Variants in PVALEF observed in about 807,000 individuals in gnomAD.
PVALEF encodes parvalbumin-like EF-hand-containing protein.
In PVALEF, 2 loss-of-function variants were observed where a neutral mutation model predicts 1.2. That is an observed-to-expected ratio of 1.68 (90% confidence interval 0.69 to 5.28). PVALEF has a LOEUF of 5.28. PVALEF is among the 30% of genes most tolerant of loss of function. The probability of loss-of-function intolerance (pLI) is 0.06; values close to 1 mark genes in which losing one functional copy is unlikely to be tolerated. For missense variants in PVALEF, 35 were observed against 17.7 expected (o/e 1.97, Z -1.75); for synonymous variants, 16 against 6.5 (o/e 2.47, Z -2.24).
At chr17:81,179,319 GCCCT>G (rs1359233390) in intron 3 of PVALEF, among the ~76,000 whole-genome samples, 167 bp downstream of exon 3, 14 of 152,312 alleles carry the variant, frequency 9.2e-5, no homozygotes, top group Non-Finnish European at 2.9e-5. Flanking sequence ...AGAAGGAATG[GCCCT>G]CCCTGCCAGC....
intron 2 of PVALEF, among the ~76,000 whole-genome samples, chr17:81,170,175 AG>A (rs1415143507): frequency 1.4e-5 from 2 of 144,532 alleles, no homozygotes; most frequent in Non-Finnish European, 1.5e-5. Context: ...GTGCATGTGT[AG>A]GTGTGTGTGC....
At position 81,166,827 on chromosome 17, in the gene PVALEF, T is replaced by G. The variant is rs1439419063; in HGVS notation, c.-357T>G. Reference sequence around the variant, plus strand: ...GGAAGAACCTGGCTGAGTCTCCACCTGCCGTGGACTGTACCAGGTGCTTAG... The same window carrying G: ...GGAAGAACCTGGCTGAGTCTCCACCGGCCGTGGACTGTACCAGGTGCTTAG... On this transcript the variant is annotated 5_prime_UTR_variant, in exon 2 of 7. Transcript: ENST00000637878. The G allele has an allele frequency of 2.2e-6, 1 of 450,464 alleles. No homozygotes were observed. The highest frequency in any genetic ancestry group is 7.1e-5 in the East Asian group (1 of 14,132). The allele number at this position is 450,464 out of a possible 1,614,324, so 27.9% of individuals were successfully genotyped here. A position where few individuals can be genotyped will look rare whatever the true frequency, so the allele number is the denominator to read the frequency against.
intron 2 of PVALEF, among the ~76,000 whole-genome samples, chr17:81,169,377 A>C (rs1372002612): frequency 6.7e-6 from 1 of 148,942 alleles, no homozygotes; most frequent in African/African-American, 2.5e-5. Context: ...AGGGGGGCGG[A>C]CCGCGAGGTC....
At chr17:81,182,920 G>A (rs1259692408) in intron 6 of PVALEF, 45 bp from the exon 7 acceptor site, 1 of 398,604 alleles carries the variant, frequency 2.5e-6, no homozygotes, top group Non-Finnish European at 4.4e-6. Context: ...GGAACTGGGG[G>A]ACACAAAACA....
At chr17:81,180,509 G>A (rs2061550186) in intron 3 of PVALEF, among the ~76,000 whole-genome samples, 1 of 152,138 alleles carries the variant, frequency 6.6e-6, no homozygotes, top group Non-Finnish European at 1.5e-5. Flanking sequence ...GGCTGTGGGG[G>A]CCCAGCTCCA....
At chr17:81,171,555 C>G (rs2061520572) in intron 2 of PVALEF, among the ~76,000 whole-genome samples, 1 of 152,078 alleles carries the variant, frequency 6.6e-6, no homozygotes, top group Non-Finnish European at 1.5e-5. Flanking sequence ...GCAGTGACGC[C>G]ATCTCGGCTC....
At chr17:81,181,756 C>A (rs899685348) in intron 5 of PVALEF, 62 bp downstream of exon 5, 28 of 398,716 alleles carry the variant, frequency 7.0e-5, no homozygotes, top group African/African-American at 5.1e-4. Flanking sequence ...CGAATGCCCA[C>A]ATGGCGGACC....
intron 2 of PVALEF, among the ~76,000 whole-genome samples, chr17:81,177,404 C>T (rs752557861): frequency 6.6e-6 from 1 of 151,626 alleles, no homozygotes; most frequent in African/African-American, 2.4e-5. Context: ...AGAAATTAGC[C>T]GGGCGTGGCG....
At chr17:81,176,583 T>TAAAAAAAAAAA (rs776811128) in intron 2 of PVALEF, among the ~76,000 whole-genome samples, 1 of 136,894 alleles carries the variant, frequency 7.3e-6, no homozygotes. Flanking sequence ...TGGCTGCTAT[T>TAAAAAAAAAAA]AAAAAAAAAA....
chr17:81,169,392 G>A (rs1266795029), intron 2 of PVALEF, among the ~76,000 whole-genome samples: 2 of 152,138 alleles, frequency 1.3e-5, no homozygotes, highest in African/African-American at 4.8e-5. Context: ...GAGGTCAGGA[G>A]TTCGAGACCA....
chr17:81,176,926 C>CT (rs34506557), intron 2 of PVALEF, among the ~76,000 whole-genome samples: 122,183 of 130,886 alleles, frequency 0.93, 57,624 homozygotes, highest in South Asian at 0.99. Flanking sequence ...GTATTAGTCA[C>CT]TTTTTTTTTT....
chr17:81,172,178 T>C (rs779205258), intron 2 of PVALEF, among the ~76,000 whole-genome samples: 26 of 152,186 alleles, frequency 1.7e-4, no homozygotes, highest in Non-Finnish European at 3.5e-4. Flanking sequence ...TGCAGTGTGT[T>C]TATCCGGCCA....
intron 2 of PVALEF, among the ~76,000 whole-genome samples, chr17:81,168,079 G>C (rs1430192448): frequency 6.6e-6 from 1 of 152,232 alleles, no homozygotes; most frequent in African/African-American, 2.4e-5. Context: ...TCAGGAGGGA[G>C]TGCCCTCCTC....
intron 1 of PVALEF, 67 bp from the exon 2 acceptor site, chr17:81,166,610 G>T (rs1232520553): frequency 4.5e-6 from 2 of 443,910 alleles, no homozygotes; most frequent in Admixed American, 4.8e-5. Context: ...CAGGGAGACA[G>T]GTGGGGGAAC....
At chr17:81,179,445 C>T (rs979209542) in intron 3 of PVALEF, among the ~76,000 whole-genome samples, 8 of 152,344 alleles carry the variant, frequency 5.3e-5, no homozygotes, top group East Asian at 1.9e-4. Flanking sequence ...TCTGTGGGCA[C>T]GGCTACAAGA....
At position 81,165,565 on chromosome 17, in the gene PVALEF, C is replaced by A; in HGVS notation, c.-690C>A. The A allele has an allele frequency of 1.7e-6, 2 of 1,154,572 alleles. No homozygotes were observed. The highest frequency in any genetic ancestry group is 2.1e-4 in the Middle Eastern group (1 of 4,720). 71.5% of individuals were successfully genotyped at this position (1,154,572 alleles called of 1,614,324 possible). On this transcript the variant is annotated 5_prime_UTR_variant, in exon 1 of 7. Transcript: ENST00000637878. ...GCCAGGGCCCCGGACCCAGGAGAGG[C>A]CATGGAAAGCCTGAACCCCAGCTGG... is the stretch of plus-strand genomic sequence containing the variant.
chr17:81,170,166 T>C (rs2061515372), intron 2 of PVALEF, among the ~76,000 whole-genome samples: 1 of 151,388 alleles, frequency 6.6e-6, no homozygotes, highest in South Asian at 2.1e-4. Flanking sequence ...GTGGTGTGTG[T>C]GCATGTGTAG....
At chr17:81,166,580 T>G (rs1598243648) in intron 1 of PVALEF, 97 bp from the exon 2 acceptor site, 115 of 295,946 alleles carry the variant, frequency 3.9e-4, no homozygotes, top group Middle Eastern at 1.2e-3. Context: ...GGGGAGGGGG[T>G]ACTCCTAGGT....
At chr17:81,169,644 G>T (rs2061511337) in intron 2 of PVALEF, among the ~76,000 whole-genome samples, 1 of 152,128 alleles carries the variant, frequency 6.6e-6, no homozygotes. Flanking sequence ...GGTCCTTCCT[G>T]CCTCTTCCGG....
Sources: allele counts gnomAD v4.1 joint callset (sites outside exome capture counted in the v4.1 genomes callset), GRCh38; gene constraint gnomAD v4.1.1; transcripts MANE v1.5; gene names NCBI Gene and HGNC (gene_info 2026-07-23, HGNC 2026-07-21).